TRAPPC3L: variants seen among roughly 807,000 people sequenced by gnomAD.
The protein encoded by TRAPPC3L is trafficking protein particle complex subunit 3-like protein.
In TRAPPC3L, 23 loss-of-function variants were observed where a neutral mutation model predicts 23.7. The ratio of observed to expected loss-of-function variants is 0.97; its 90% confidence interval spans 0.70 to 1.37. TRAPPC3L has a LOEUF of 1.37. Among genes scored for constraint, TRAPPC3L ranks in the 40% most tolerant of loss-of-function variants. The pLI is 0.00. For synonymous variants in TRAPPC3L, 81 were observed against 77.9 expected (o/e 1.04, Z -0.21); for missense variants, 212 against 216.8 (o/e 0.98, Z 0.14).
At chr6:116,542,742 T>C (rs536889826) in intron 2 of TRAPPC3L, among the ~76,000 whole-genome samples, 5 of 152,106 alleles carry the variant, frequency 3.3e-5, no homozygotes, top group Non-Finnish European at 7.4e-5. Context: ...CTACCTAATA[T>C]GTTTTTTAAG....
At chr6:116,513,060 T>TA (rs1287556928) in intron 3 of TRAPPC3L, among the ~76,000 whole-genome samples, 1 of 152,166 alleles carries the variant, frequency 6.6e-6, no homozygotes, top group Non-Finnish European at 1.5e-5. Flanking sequence ...TTCCCATTTA[T>TA]AGGTAGTAAG....
chr6:116,540,290 A>G lies in TRAPPC3L; in HGVS notation c.240+73T>C, dbSNP rs114204408. 1.0e-3 allele frequency: 1,445 copies of G among 1,413,654 alleles called. 12 individuals carry two copies. In the African/African-American group the frequency reaches 0.018, roughly 18 times the overall value. The allele number at this position is 1,413,654 out of a possible 1,614,324, so 87.6% of individuals were successfully genotyped here. ...TGCAGATGGAACCTGTCCAATCTGA[A>G]CAGAAAACCACCATACTCAAAAAGA... On this transcript the variant is annotated intron_variant, in intron 3 of 4. Transcript: ENST00000368602.
At chr6:116,541,637 T>C (rs1773470053) in intron 2 of TRAPPC3L, among the ~76,000 whole-genome samples, 1 of 152,200 alleles carries the variant, frequency 6.6e-6, no homozygotes, top group African/African-American at 2.4e-5. Context: ...GAAAAATGGT[T>C]TATAATTTCA....
rs559502856 is a variant in TRAPPC3L, at chr6:116,541,404, C to T, written c.141-942G>A. 1.7e-3 allele frequency among the ~76,000 whole-genome samples: 262 copies of T among 152,204 alleles called. 1 individual carries two copies. Among genetic ancestry groups the T allele is most frequent in the Non-Finnish European group, 2.5e-3 (171 of 68,002 alleles). ...GCCACATCTACATAGACAAGTGAAACGATTTCCAGTGGAGCCACAAAATGC... is the reference window on the plus strand; with the variant it reads ...GCCACATCTACATAGACAAGTGAAATGATTTCCAGTGGAGCCACAAAATGC... On this transcript the variant is annotated intron_variant, in intron 2 of 4. Coordinates refer to ENST00000368602, the MANE Select transcript of TRAPPC3L (RefSeq NM_001139444.3).
chr6:116,511,529 T>G, intron 3 of TRAPPC3L: 1 of 634,196 alleles, frequency 1.6e-6, no homozygotes. Flanking sequence ...TATCTAAACA[T>G]GTTGAGAAAT....
At chr6:116,537,207 T>C (rs894760287) in intron 3 of TRAPPC3L, among the ~76,000 whole-genome samples, 2 of 151,820 alleles carry the variant, frequency 1.3e-5, no homozygotes, top group African/African-American at 4.8e-5. Context: ...TGCATAGGAG[T>C]GGAAGTGGAT....
chr6:116,521,679 A>G (rs897786450), intron 3 of TRAPPC3L: 4 of 152,164 alleles, frequency 2.6e-5, no homozygotes, highest in Admixed American at 1.3e-4. Flanking sequence ...ACACCCCTAC[A>G]TACATACCCA....
intron 3 of TRAPPC3L, 81 bp from the exon 4 acceptor site, chr6:116,500,747 G>C (rs1771899056): frequency 4.8e-6 from 6 of 1,246,032 alleles, no homozygotes; most frequent in Non-Finnish European, 6.8e-6. Context: ...CCCAGTTCTA[G>C]GCATTGCAGC....
At chr6:116,499,480 C>T (rs1295537630) in intron 4 of TRAPPC3L, among the ~76,000 whole-genome samples, 1 of 152,180 alleles carries the variant, frequency 6.6e-6, no homozygotes, top group Non-Finnish European at 1.5e-5. Context: ...CTGTTGCTTT[C>T]AATATAAAAA....
intron 2 of TRAPPC3L, 87 bp from the exon 3 acceptor site, chr6:116,540,549 C>A: frequency 4.5e-6 from 6 of 1,345,044 alleles, no homozygotes; most frequent in Non-Finnish European, 6.2e-6. Flanking sequence ...GTGTGTTTAG[C>A]ACTTGTGCAA....
chr6:116,518,235 C>T (rs1286041927), intron 3 of TRAPPC3L: 2 of 152,076 alleles, frequency 1.3e-5, no homozygotes, highest in East Asian at 3.9e-4. Context: ...TGGGGGAGAT[C>T]TTATGGGACT....
At position 116,496,805 on chromosome 6, in the gene TRAPPC3L, A is replaced by T; in HGVS notation, c.*149T>A. 2 of 1,136,570 alleles carry T rather than the reference A, an allele frequency of 1.8e-6. No homozygotes were observed. The highest frequency in any genetic ancestry group is 2.3e-6 in the Non-Finnish European group (2 of 853,162). 70.4% of individuals were successfully genotyped at this position (1,136,570 alleles called of 1,614,324 possible). On this transcript the variant is annotated 3_prime_UTR_variant, in exon 5 of 5. Transcript: ENST00000368602. ...TAAGCAAAAGGAAAAAAAAACCTTT[A>T]AGCCTTCATGCCCTGCATTTCAAAT...
Position 116,542,256 on chromosome 6 carries a change from T to C in TRAPPC3L, c.140+1047A>G, listed in dbSNP as rs113368205. Among the ~76,000 whole-genome samples the C allele has an allele frequency of 6.6e-5, 10 of 152,198 alleles. 1 individual carries two copies. The highest frequency in any genetic ancestry group is 2.2e-4 in the African/African-American group (9 of 41,554). On this transcript the variant is annotated intron_variant, in intron 2 of 4. Coordinates refer to ENST00000368602, the MANE Select transcript of TRAPPC3L (RefSeq NM_001139444.3). Reference sequence around the variant, plus strand: ...ATCTATAGGTAGACAGTTGGGCAGTTCTCTTCTTTGCGAATGCCCTTGACT... The same window carrying C: ...ATCTATAGGTAGACAGTTGGGCAGTCCTCTTCTTTGCGAATGCCCTTGACT...
At chr6:116,516,046 C>T in intron 3 of TRAPPC3L, 1 of 1,510,234 alleles carries the variant, frequency 6.6e-7, no homozygotes, top group Non-Finnish European at 8.9e-7. Flanking sequence ...TGTGATCCTC[C>T]TAACGTATCA....
chr6:116,519,582 G>A (rs1772293105), intron 3 of TRAPPC3L: 1 of 152,194 alleles, frequency 6.6e-6, no homozygotes, highest in Non-Finnish European at 1.5e-5. Context: ...TAGACTTGAA[G>A]CATATGGAAG....
At chr6:116,535,016 CAA>C (rs887964022) in intron 3 of TRAPPC3L, among the ~76,000 whole-genome samples, 16 of 152,116 alleles carry the variant, frequency 1.1e-4, no homozygotes, top group Non-Finnish European at 4.4e-5. Context: ...GACCTGAGAG[CAA>C]AAAGCTTCTC....
chr6:116,516,661 AT>A (rs1461040568), intron 3 of TRAPPC3L: 2 of 996 alleles, frequency 2.0e-3, no homozygotes, highest in South Asian at 0.026. Context: ...GTAGTAACAA[AT>A]ATATATATAT....
chr6:116,504,733 A>C (rs1487265425), intron 3 of TRAPPC3L, among the ~76,000 whole-genome samples: 3 of 152,230 alleles, frequency 2.0e-5, no homozygotes, highest in Non-Finnish European at 4.4e-5. Flanking sequence ...AAACATATGC[A>C]ATCCATCACA....
chr6:116,531,112 G>A (rs975031796), intron 3 of TRAPPC3L, among the ~76,000 whole-genome samples: 4 of 151,946 alleles, frequency 2.6e-5, no homozygotes, highest in South Asian at 2.1e-4. Context: ...TAATGGATTA[G>A]GGTGGGCATT....
Sources: gnomAD v4.1 joint callset for allele counts (sites outside exome capture counted in the v4.1 genomes callset) on GRCh38, gnomAD v4.1.1 for gene constraint, MANE v1.5 for transcripts, NCBI Gene and HGNC (gene_info 2026-07-23, HGNC 2026-07-21) for gene names.